The following TRHDE variants were observed in gnomAD, a reference collection of about 807,000 sequenced individuals.
TRHDE encodes the protein thyrotropin releasing hormone degrading enzyme, also known as thyrotropin-releasing hormone-degrading ectoenzyme.
TRHDE carries 72 observed loss-of-function variants against 125.7 expected under a neutral mutation model. The observed-to-expected ratio is 0.57, with a 90% confidence interval of 0.47 to 0.70. The LOEUF is 0.70. TRHDE is among the 30% of genes least tolerant of loss of function. The pLI is 0.00. For missense variants in TRHDE, 1,110 were observed against 1,327.1 expected (o/e 0.84, Z 2.54); for synonymous variants, 509 against 509.1 (o/e 1.00, Z 0.00).
At chr12:72,390,170 G>C (rs928014827) in intron 3 of TRHDE, among the ~76,000 whole-genome samples, 6 of 152,082 alleles carry the variant, frequency 3.9e-5, no homozygotes, top group Admixed American at 3.9e-4. Context: ...ACTTCCTTTT[G>C]TCTCTCTTGG....
rs1875204725 is a variant in TRHDE, at chr12:72,669,768, C to A, written c.*6573C>A. On this transcript the variant is annotated 3_prime_UTR_variant, in exon 19 of 19. Transcript: ENST00000261180. Reference sequence around the variant, plus strand: ...ATTTTTCCTCAAATGTTGTATTCTACCTTTCAAAATATTGTGTAACAGCAA... The same window carrying A: ...ATTTTTCCTCAAATGTTGTATTCTAACTTTCAAAATATTGTGTAACAGCAA... The A allele has an allele frequency of 6.6e-6, 1 of 151,802 alleles. No homozygotes were observed. The highest frequency in any genetic ancestry group is 2.1e-4 in the South Asian group (1 of 4,818). The allele number at this position is 151,802 out of a possible 1,614,324, so 9.4% of individuals were successfully genotyped here.
intron 6 of TRHDE, among the ~76,000 whole-genome samples, chr12:72,540,449 G>C (rs10748198): frequency 2.6e-5 from 4 of 151,514 alleles, no homozygotes; most frequent in Admixed American, 1.3e-4. Context: ...GACCATGCTA[G>C]ATTAATAGTT....
chr12:72,294,508 A>T (rs1044938413), intron 2 of TRHDE, among the ~76,000 whole-genome samples: 8 of 152,082 alleles, frequency 5.3e-5, no homozygotes, highest in African/African-American at 1.9e-4. Flanking sequence ...AGGAGGACCT[A>T]GAGTGTGTTG....
At chr12:72,173,925 G>A (rs767062534) in intron 2 of TRHDE, among the ~76,000 whole-genome samples, 1 of 152,028 alleles carries the variant, frequency 6.6e-6, no homozygotes, top group African/African-American at 2.4e-5. Context: ...TTGCAAAATG[G>A]CTAAATATTC....
chr12:72,619,101 T>A lies in TRHDE; in HGVS notation c.2469+63T>A, dbSNP rs1051392475. The A allele has an allele frequency of 6.3e-6, 8 of 1,264,914 alleles. No homozygotes were observed. In the African/African-American group the frequency reaches 1.1e-4, roughly 17 times the overall value. The allele number at this position is 1,264,914 out of a possible 1,614,324, so 78.4% of individuals were successfully genotyped here. Reference sequence around the variant, plus strand: ...ATACACTATTTTATTCTCTTTCTACTATTATATATGCAACTGATGCCAAGT... The same window carrying A: ...ATACACTATTTTATTCTCTTTCTACAATTATATATGCAACTGATGCCAAGT... On this transcript the variant is annotated intron_variant, in intron 13 of 18. Coordinates refer to ENST00000261180, the MANE Select transcript of TRHDE (RefSeq NM_013381.3).
At chr12:72,324,442 C>G (rs1366138126) in intron 2 of TRHDE, among the ~76,000 whole-genome samples, 1 of 151,918 alleles carries the variant, frequency 6.6e-6, no homozygotes, top group Non-Finnish European at 1.5e-5. Flanking sequence ...GCCTTTCACT[C>G]AGAGGTAAAA....
In TRHDE at chr12:72,549,714, AT is replaced by A. The variant is rs1273614967; in HGVS notation, c.1788+7361del. Reference sequence around the variant, plus strand: ...ATGAGCATGTTATAGAGAAAGAAATATTTAAGTTTGAGAAAAGATTTGATGG... The same window carrying A: ...ATGAGCATGTTATAGAGAAAGAAATATTAAGTTTGAGAAAAGATTTGATGG... On this transcript the variant is annotated intron_variant, in intron 7 of 18. Coordinates refer to ENST00000261180, the MANE Select transcript of TRHDE (RefSeq NM_013381.3). Among the ~76,000 whole-genome samples the A allele has an allele frequency of 3.3e-5, 5 of 151,878 alleles. No individual in the cohort carries two copies. The East Asian group carries it at 9.6e-4, about 29-fold the overall frequency.
At chr12:72,550,124 A>G (rs540860712) in intron 7 of TRHDE, among the ~76,000 whole-genome samples, 1 of 152,044 alleles carries the variant, frequency 6.6e-6, no homozygotes, top group South Asian at 2.1e-4. Flanking sequence ...CTTTTTGGTT[A>G]TTTAAATGTA....
chr12:72,196,582 C>G (rs1192737150), intron 2 of TRHDE, among the ~76,000 whole-genome samples: 1 of 152,068 alleles, frequency 6.6e-6, no homozygotes, highest in African/African-American at 2.4e-5. Flanking sequence ...AGAATGAACT[C>G]TTAAAACTTC....
chr12:72,523,215 C>T (rs1330367330), intron 6 of TRHDE, among the ~76,000 whole-genome samples: 1 of 151,544 alleles, frequency 6.6e-6, no homozygotes, highest in Non-Finnish European at 1.5e-5. Flanking sequence ...TACATTTGCT[C>T]TGTGTTAAAT....
intron 1 of TRHDE, among the ~76,000 whole-genome samples, chr12:72,283,182 C>G (rs1021138966): frequency 3.9e-5 from 6 of 152,082 alleles, no homozygotes; most frequent in Admixed American, 6.6e-5. Context: ...GTATTGAACA[C>G]TCAAAAATAA....
At chr12:72,570,534 T>C (rs1565794242) in intron 10 of TRHDE, among the ~76,000 whole-genome samples, 1 of 132,964 alleles carries the variant, frequency 7.5e-6, no homozygotes, top group Non-Finnish European at 1.5e-5. Context: ...TGAGCCGAGA[T>C]CGCGCTATGG....
At chr12:72,579,022 A>C (rs1662673101) in intron 12 of TRHDE, among the ~76,000 whole-genome samples, 1 of 141,958 alleles carries the variant, frequency 7.0e-6, no homozygotes, top group African/African-American at 2.7e-5. Context: ...CTATTCTCTG[A>C]CTCATTTATA....
At chr12:72,541,073 C>T (rs1437257113) in intron 6 of TRHDE, among the ~76,000 whole-genome samples, 1 of 151,440 alleles carries the variant, frequency 6.6e-6, no homozygotes, top group East Asian at 1.9e-4. Context: ...GGACAGCAGT[C>T]CAGTCCCTGG....
In TRHDE at chr12:72,446,930, C is replaced by T. The variant is rs548925757; in HGVS notation, c.1316-22828C>T. On this transcript the variant is annotated intron_variant, in intron 3 of 18. Coordinates refer to ENST00000261180, the MANE Select transcript of TRHDE (RefSeq NM_013381.3). ...ACAATAATAATGGAAGACTTTAACA[C>T]CCGACTGTCAACATTAGACAGATCA... Among the ~76,000 whole-genome samples the T allele has an allele frequency of 4.6e-5, 7 of 152,200 alleles. No individual in the cohort carries two copies. The South Asian group carries it at 1.2e-3, about 27-fold the overall frequency.
At chr12:72,431,145 GT>G (rs1191348456) in intron 3 of TRHDE, among the ~76,000 whole-genome samples, 2 of 151,864 alleles carry the variant, frequency 1.3e-5, no homozygotes, top group African/African-American at 2.4e-5. Context: ...ATTAGTCTTT[GT>G]TTTTTAGTGA....
intron 3 of TRHDE, among the ~76,000 whole-genome samples, chr12:72,385,130 C>T (rs1403465281): frequency 1.3e-5 from 2 of 152,064 alleles, no homozygotes; most frequent in South Asian, 4.1e-4. Context: ...TAAAGTAATA[C>T]AGCCTTTTAA....
chr12:72,413,267 G>T (rs940899984), intron 3 of TRHDE, among the ~76,000 whole-genome samples: 1 of 151,762 alleles, frequency 6.6e-6, no homozygotes, highest in Admixed American at 6.6e-5. Context: ...TAGAATGATA[G>T]GTTTCTAGGC....
chr12:72,563,288 A>T (rs1435422180), intron 9 of TRHDE, among the ~76,000 whole-genome samples: 4 of 152,138 alleles, frequency 2.6e-5, no homozygotes, highest in South Asian at 2.1e-4. Flanking sequence ...CATGGTGGTT[A>T]AAAAAATAAA....
Sources: gnomAD v4.1 joint callset for allele counts (sites outside exome capture counted in the v4.1 genomes callset) on GRCh38, gnomAD v4.1.1 for gene constraint, MANE v1.5 for transcripts, NCBI Gene and HGNC (gene_info 2026-07-23, HGNC 2026-07-21) for gene names.